ALLC: variants seen among roughly 807,000 people sequenced by gnomAD.
ALLC encodes allantoicase.
In ALLC, 40 loss-of-function variants were observed where a neutral mutation model predicts 45.0. The ratio of observed to expected loss-of-function variants is 0.89; its 90% CI spans 0.69 to 1.16. ALLC has a LOEUF of 1.16. Ranked by LOEUF, ALLC falls within the 50% of genes most tolerant of loss-of-function variation. The pLI, the probability that ALLC is intolerant of heterozygous loss-of-function variation, is 0.00. For synonymous variants in ALLC, 176 were observed against 178.1 expected (o/e 0.99, Z 0.09); for missense variants, 488 against 493.1 (o/e 0.99, Z 0.10).
At chr2:3,663,737 A>G (rs1415095318) in intron 1 of ALLC, among the ~76,000 whole-genome samples, 1 of 152,222 alleles carries the variant, frequency 6.6e-6, no homozygotes, top group African/African-American at 2.4e-5. Flanking sequence ...ACTACTAAAA[A>G]TTGATATTAC....
chr2:3,681,746 A>G, intron 6 of ALLC, 33 bp downstream of exon 6: 1 of 1,533,522 alleles, frequency 6.5e-7, no homozygotes, highest in Non-Finnish European at 8.9e-7. Flanking sequence ...GGGTCTTGTC[A>G]CCAATTATTA....
At chr2:3,670,823 A>G (rs1278182117) in intron 1 of ALLC, among the ~76,000 whole-genome samples, 1 of 145,176 alleles carries the variant, frequency 6.9e-6, no homozygotes, top group Non-Finnish European at 1.5e-5. Flanking sequence ...TTTTGTGGCG[A>G]TAGGGTTTGT....
intron 7 of ALLC, among the ~76,000 whole-genome samples, chr2:3,684,543 A>G (rs1346772722): frequency 9.9e-5 from 15 of 152,090 alleles, no homozygotes; most frequent in African/African-American, 2.4e-4. Context: ...ACTGTATCCA[A>G]TGTGTAGCCT....
intron 10 of ALLC, among the ~76,000 whole-genome samples, chr2:3,700,072 C>T (rs1667784217): frequency 6.6e-6 from 1 of 152,072 alleles, no homozygotes; most frequent in African/African-American, 2.4e-5. Context: ...AAATCTTTGC[C>T]AGTTCCTATG....
intron 4 of ALLC, among the ~76,000 whole-genome samples, chr2:3,678,925 C>T (rs967579335): frequency 3.3e-5 from 5 of 152,232 alleles, no homozygotes; most frequent in Admixed American, 1.3e-4. Context: ...CCCGTTTAAC[C>T]GCCATGGAAA....
In ALLC at chr2:3,685,395, C is replaced by T. The variant is rs144279698; in HGVS notation, c.511+2321C>T. On this transcript the variant is annotated intron_variant, in intron 7 of 11. Coordinates refer to ENST00000252505, the MANE Select transcript of ALLC (RefSeq NM_018436.4). The stretch of plus-strand genomic sequence containing the variant: ...TTACAATCATGGCAGAAAGAGAAGG[C>T]GAAGCAAGGCATGTCTTACATGGCA... Among the ~76,000 whole-genome samples, 374 of 149,972 alleles carry T rather than the reference C, an allele frequency of 2.5e-3. 3 individuals carry two copies. The highest frequency in any genetic ancestry group is 8.3e-3 in the African/African-American group (339 of 41,066).
At chr2:3,647,007 C>T in the ALLC span, among the ~76,000 whole-genome samples, 3 of 152,138 alleles carry the variant, frequency 2.0e-5, no homozygotes, top group African/African-American at 7.2e-5. Flanking sequence ...GTCTCACAGG[C>T]TGTGCCCTGC....
chr2:3,676,089 C>T (rs537062342), intron 3 of ALLC, among the ~76,000 whole-genome samples: 82 of 152,354 alleles, frequency 5.4e-4, no homozygotes, highest in African/African-American at 1.9e-3. Context: ...TCCTCATCTC[C>T]GAATACCATC....
chr2:3,697,602 C>G (rs1667708149), intron 10 of ALLC, 146 bp downstream of exon 10: 1 of 581,632 alleles, frequency 1.7e-6, no homozygotes, highest in Non-Finnish European at 3.0e-6. Flanking sequence ...TACTTTAACC[C>G]TTAGAACTCT....
intron 1 of ALLC, among the ~76,000 whole-genome samples, chr2:3,669,508 C>T (rs1435348182): frequency 2.0e-5 from 3 of 151,126 alleles, no homozygotes; most frequent in Admixed American, 6.6e-5. Flanking sequence ...ATTAGCCGGG[C>T]GTGGTGGCAG....
intron 4 of ALLC, 75 bp downstream of exon 4, chr2:3,678,630 T>C (rs946299863): frequency 3.2e-6 from 4 of 1,264,308 alleles, no homozygotes; most frequent in Non-Finnish European, 3.4e-6. Flanking sequence ...GCAAAGCCAG[T>C]GTCCGTTTTG....
At chr2:3,682,104 A>G (rs1667196083) in intron 6 of ALLC, among the ~76,000 whole-genome samples, 1 of 152,230 alleles carries the variant, frequency 6.6e-6, no homozygotes, top group Non-Finnish European at 1.5e-5. Context: ...GTGTTTTGGT[A>G]CATTCTTGTT....
intron 10 of ALLC, among the ~76,000 whole-genome samples, chr2:3,697,911 C>G (rs780631978): frequency 6.6e-6 from 1 of 151,832 alleles, no homozygotes; most frequent in Admixed American, 6.6e-5. Flanking sequence ...GTGATTCACC[C>G]GTCGCAGCCT....
At chr2:3,699,755 G>A (rs1028782582) in intron 10 of ALLC, among the ~76,000 whole-genome samples, 6 of 152,148 alleles carry the variant, frequency 3.9e-5, no homozygotes, top group Non-Finnish European at 8.8e-5. Context: ...GATTAGTGAT[G>A]TCAGCCATTT....
At chr2:3,665,673 A>G (rs1007606757) in intron 1 of ALLC, among the ~76,000 whole-genome samples, 5 of 152,202 alleles carry the variant, frequency 3.3e-5, no homozygotes, top group Non-Finnish European at 5.9e-5. Flanking sequence ...ATAGTATTCC[A>G]TGGTCTATAT....
At chr2:3,697,270 T>A in intron 9 of ALLC, 78 bp from the exon 10 acceptor site, 2 of 1,062,168 alleles carry the variant, frequency 1.9e-6, no homozygotes, top group Non-Finnish European at 2.9e-6. Flanking sequence ...GTCAACCTTT[T>A]TCACCTGTTG....
chr2:3,664,710 C>A (rs1666650429), intron 1 of ALLC, among the ~76,000 whole-genome samples: 1 of 151,842 alleles, frequency 6.6e-6, no homozygotes, highest in Non-Finnish European at 1.5e-5. Context: ...ATAGTGAGAC[C>A]CTGTCTCTAC....
At chr2:3,666,107 G>A (rs1666718579) in intron 1 of ALLC, among the ~76,000 whole-genome samples, 1 of 152,232 alleles carries the variant, frequency 6.6e-6, no homozygotes, top group African/African-American at 2.4e-5. Context: ...CGTGCCCTCT[G>A]CTTCCCAGGG....
At chr2:3,651,438 T>A in the ALLC span, among the ~76,000 whole-genome samples, 1 of 57,722 alleles carries the variant, frequency 1.7e-5, no homozygotes, top group Non-Finnish European at 3.9e-5. Flanking sequence ...TGTGTGTGTG[T>A]GTGTTAGGAA....
Sources: gnomAD v4.1 joint callset for allele counts (sites outside exome capture counted in the v4.1 genomes callset) on GRCh38, gnomAD v4.1.1 for gene constraint, MANE v1.5 for transcripts, NCBI Gene and HGNC (gene_info 2026-07-23, HGNC 2026-07-21) for gene names.